Variants in MACROD2 observed in about 807,000 individuals in gnomAD.
The protein encoded by MACROD2 is ADP-ribose glycohydrolase MACROD2.
Under a neutral mutation model 70.4 loss-of-function variants are expected in MACROD2, and 36 were observed. The observed-to-expected ratio is 0.51, with a 90% CI of 0.39 to 0.68. The LOEUF (loss-of-function observed/expected upper bound fraction) is 0.68. MACROD2 is among the 30% of genes least tolerant of loss of function. The pLI, the probability that MACROD2 is intolerant of heterozygous loss-of-function variation, is 0.00. For missense variants in MACROD2, 496 were observed against 538.4 expected (o/e 0.92, Z 0.78); for synonymous variants, 172 against 178.8 (o/e 0.96, Z 0.30).
At chr20:14,440,240 A>G (rs973664879) in intron 3 of MACROD2, among the ~76,000 whole-genome samples, 1 of 152,170 alleles carries the variant, frequency 6.6e-6, no homozygotes, top group Non-Finnish European at 1.5e-5. Flanking sequence ...TATAGCTAAT[A>G]TATTCAGAAC....
chr20:15,050,556 T>C (rs966070960), intron 5 of MACROD2, among the ~76,000 whole-genome samples: 137 of 130,014 alleles, frequency 1.1e-3, no homozygotes, highest in Non-Finnish European at 1.7e-3. Context: ...TTTTTTTTTT[T>C]TTTGAGATGG....
intron 3 of MACROD2, among the ~76,000 whole-genome samples, chr20:14,232,460 G>T (rs796823898): frequency 1.3e-5 from 2 of 152,274 alleles, no homozygotes; most frequent in South Asian, 4.1e-4. Context: ...AGTTATCTTA[G>T]CTAGATCTAG....
At chr20:14,223,636 T>C (rs2081703150) in intron 3 of MACROD2, among the ~76,000 whole-genome samples, 1 of 151,544 alleles carries the variant, frequency 6.6e-6, no homozygotes, top group Non-Finnish European at 1.5e-5. Context: ...GCCTCCCAAG[T>C]AGCTGGGATT....
intron 5 of MACROD2, among the ~76,000 whole-genome samples, chr20:14,798,877 A>T (rs556918305): frequency 4.6e-5 from 7 of 152,124 alleles, no homozygotes; most frequent in Non-Finnish European, 1.0e-4. Context: ...CTTTCTACTA[A>T]AAACTATCAT....
chr20:15,724,955 G>A (rs1353976793), intron 8 of MACROD2, among the ~76,000 whole-genome samples: 3 of 151,974 alleles, frequency 2.0e-5, no homozygotes, highest in African/African-American at 4.8e-5. Flanking sequence ...GGTGGCAGGC[G>A]CCTGTAGTCC....
At chr20:15,144,215 C>T (rs1376283351) in intron 5 of MACROD2, among the ~76,000 whole-genome samples, 1 of 152,008 alleles carries the variant, frequency 6.6e-6, no homozygotes, top group Non-Finnish European at 1.5e-5. Context: ...CTCGACCTCC[C>T]AAACTGTTAG....
At chr20:15,159,646 TG>T (rs2145872975) in intron 5 of MACROD2, among the ~76,000 whole-genome samples, 1 of 151,990 alleles carries the variant, frequency 6.6e-6, no homozygotes, top group African/African-American at 2.4e-5. Context: ...TTGGTTGATA[TG>T]GGAGAATGAT....
intron 5 of MACROD2, among the ~76,000 whole-genome samples, chr20:14,867,861 T>G (rs1270190610): frequency 6.6e-6 from 1 of 152,024 alleles, no homozygotes; most frequent in Non-Finnish European, 1.5e-5. Flanking sequence ...TGCTCCCAGT[T>G]TCATCTTTAA....
intron 8 of MACROD2, among the ~76,000 whole-genome samples, chr20:15,855,122 C>T (rs978088936): frequency 1.3e-5 from 2 of 152,174 alleles, no homozygotes; most frequent in Non-Finnish European, 2.9e-5. Context: ...CATTCATTCT[C>T]CTCGTATCAC....
intron 5 of MACROD2, among the ~76,000 whole-genome samples, chr20:14,833,213 C>T (rs1164818328): frequency 6.6e-6 from 1 of 152,188 alleles, no homozygotes; most frequent in Non-Finnish European, 1.5e-5. Flanking sequence ...CACTAACTCT[C>T]ATTCCATACG....
intron 5 of MACROD2, among the ~76,000 whole-genome samples, chr20:14,840,760 G>T (rs186442990): frequency 3.5e-4 from 54 of 152,238 alleles, no homozygotes; most frequent in African/African-American, 1.2e-3. Context: ...AACATAAGAA[G>T]TCTTTTTCAC....
intron 4 of MACROD2, among the ~76,000 whole-genome samples, chr20:14,657,626 G>A (rs769230936): frequency 6.6e-6 from 1 of 152,164 alleles, no homozygotes; most frequent in East Asian, 1.9e-4. Context: ...AATAGTATAC[G>A]TCTTTCTGGT....
At chr20:15,208,577 G>A (rs951670771) in intron 5 of MACROD2, among the ~76,000 whole-genome samples, 1 of 152,110 alleles carries the variant, frequency 6.6e-6, no homozygotes, top group African/African-American at 2.4e-5. Context: ...CAGGGAAAGG[G>A]GATTCTGCCT....
In MACROD2 at chr20:14,875,286, C is replaced by T. The variant is rs553803008; in HGVS notation, c.418+190327C>T. ...GTTCCAACTACTTGGGAGGCTGTGGCAGGAGAATAGCTTTAACCCAGGAGG... is the reference window on the plus strand; with the variant it reads ...GTTCCAACTACTTGGGAGGCTGTGGTAGGAGAATAGCTTTAACCCAGGAGG... On this transcript the variant is annotated intron_variant, in intron 5 of 17. Coordinates refer to ENST00000684519, the MANE Select transcript of MACROD2 (RefSeq NM_001351661.2). Among the ~76,000 whole-genome samples the T allele has an allele frequency of 1.4e-4, 21 of 151,974 alleles. No individual in the cohort carries two copies. The South Asian group carries it at 4.4e-3, about 32-fold the overall frequency.
intron 3 of MACROD2, among the ~76,000 whole-genome samples, chr20:14,133,538 G>A (rs1431631416): frequency 2.0e-5 from 3 of 152,256 alleles, no homozygotes; most frequent in East Asian, 3.9e-4. Context: ...TAAAATGTCA[G>A]GTAGTGATAA....
At chr20:15,769,296 C>T (rs1400168170) in intron 8 of MACROD2, among the ~76,000 whole-genome samples, 1 of 151,964 alleles carries the variant, frequency 6.6e-6, no homozygotes, top group African/African-American at 2.4e-5. Flanking sequence ...TACAGGCGTG[C>T]GCCACCACGC....
At chr20:15,879,511 C>A (rs1568614288) in intron 9 of MACROD2, among the ~76,000 whole-genome samples, 1 of 152,096 alleles carries the variant, frequency 6.6e-6, no homozygotes, top group Non-Finnish European at 1.5e-5. Context: ...GATTTTAATA[C>A]AAATAATTGC....
intron 15 of MACROD2, among the ~76,000 whole-genome samples, chr20:15,987,775 A>G (rs906006789): frequency 1.3e-5 from 2 of 152,182 alleles, no homozygotes; most frequent in Admixed American, 6.5e-5. Context: ...AAATATTTTT[A>G]AAAATGTGTT....
At chr20:14,096,448 T>TGGGAGGAGA (rs1466316086) in intron 3 of MACROD2, among the ~76,000 whole-genome samples, 1 of 138,026 alleles carries the variant, frequency 7.2e-6, no homozygotes, top group African/African-American at 2.7e-5. Context: ...CTCACCACAA[T>TGGGAGGAGA]ATCCTCCTCC....
Sources: gnomAD v4.1 joint callset for allele counts (sites outside exome capture counted in the v4.1 genomes callset) on GRCh38, gnomAD v4.1.1 for gene constraint, MANE v1.5 for transcripts, NCBI Gene and HGNC (gene_info 2026-07-23, HGNC 2026-07-21) for gene names.